VKORC1L1: variants seen among roughly 807,000 people sequenced by gnomAD.
VKORC1L1 encodes vitamin K epoxide reductase complex subunit 1L1.
VKORC1L1 carries 2 observed loss-of-function variants against 18.9 expected under a neutral mutation model. That is an observed-to-expected ratio of 0.11 (90% CI 0.04 to 0.33). The LOEUF is 0.33. VKORC1L1 is among the 10% of genes least tolerant of loss of function. The probability of loss-of-function intolerance (pLI) is 1.00; values close to 1 mark genes in which losing one functional copy is unlikely to be tolerated. For missense variants in VKORC1L1, 123 were observed against 224.1 expected, an observed-to-expected ratio of 0.55 and a Z score of 2.88; for synonymous variants, 96 against 100.0, an observed-to-expected ratio of 0.96 and a Z score of 0.24.
intron 1 of VKORC1L1, among the ~76,000 whole-genome samples, chr7:65,883,633 G>A (rs1788964840): frequency 1.3e-5 from 2 of 151,868 alleles, no homozygotes; most frequent in Non-Finnish European, 1.5e-5. Flanking sequence ...CCGAGTAGCT[G>A]GGATTACAGG....
At chr7:65,869,623 C>T (rs1158365860), upstream of VKORC1L1, among the ~76,000 whole-genome samples, 2 of 133,586 alleles carry the variant, frequency 1.5e-5, no homozygotes, top group Admixed American at 1.6e-4. Context: ...TAACAGAGGG[C>T]AAAACACGAT....
At chr7:65,907,351 C>T (rs1789423072) in intron 1 of VKORC1L1, among the ~76,000 whole-genome samples, 1 of 152,090 alleles carries the variant, frequency 6.6e-6, no homozygotes, top group Admixed American at 6.6e-5. Context: ...GCATGAGAAT[C>T]GCTTAGAACC....
At chr7:65,895,028 G>A (rs1305169523) in intron 1 of VKORC1L1, among the ~76,000 whole-genome samples, 1 of 152,214 alleles carries the variant, frequency 6.6e-6, no homozygotes. Flanking sequence ...TCTCACATTT[G>A]TAAGATGTCA....
At chr7:65,926,443 C>A (rs1223848612) in intron 1 of VKORC1L1, among the ~76,000 whole-genome samples, 2 of 152,162 alleles carry the variant, frequency 1.3e-5, no homozygotes, top group Non-Finnish European at 2.9e-5. Flanking sequence ...CATGAGCCAC[C>A]ACACTTAGCC....
chr7:65,947,222 C>T lies in VKORC1L1; in HGVS notation c.195-1449C>T, dbSNP rs977465876. On this transcript the variant is annotated intron_variant, in intron 1 of 2. Coordinates refer to ENST00000360768, the MANE Select transcript of VKORC1L1 (RefSeq NM_173517.6). ...CATGGCTTTCACTTGTTTGTAAAAT[C>T]GGGGTGATTTTTCTCTCCCAACATC... 3.9e-5 allele frequency among the ~76,000 whole-genome samples: 6 copies of T among 152,058 alleles called. 1 individual carries two copies. In the East Asian group the frequency reaches 7.7e-4, roughly 19 times the overall value.
upstream of VKORC1L1, among the ~76,000 whole-genome samples, chr7:65,871,582 T>C (rs1185183280): frequency 2.6e-5 from 4 of 152,262 alleles, no homozygotes; most frequent in Non-Finnish European, 4.4e-5. Flanking sequence ...AAAAGGACTG[T>C]GATCTCACTC....
chr7:65,899,394 A>G (rs1789271690), intron 1 of VKORC1L1, among the ~76,000 whole-genome samples: 1 of 152,184 alleles, frequency 6.6e-6, no homozygotes, highest in African/African-American at 2.4e-5. Flanking sequence ...CTGACCTGGA[A>G]AAAAGGGGGT....
intron 1 of VKORC1L1, among the ~76,000 whole-genome samples, chr7:65,942,242 CT>C (rs1343004690): frequency 6.6e-6 from 1 of 151,796 alleles, no homozygotes; most frequent in Non-Finnish European, 1.5e-5. Flanking sequence ...AATCCCAGCA[CT>C]TTGGGAGGCT....
intron 2 of VKORC1L1, among the ~76,000 whole-genome samples, chr7:65,949,356 G>A (rs1226852888): frequency 6.6e-6 from 1 of 152,058 alleles, no homozygotes; most frequent in Non-Finnish European, 1.5e-5. Flanking sequence ...GTGCATGCCT[G>A]TAATCCCAGC....
intron 1 of VKORC1L1, among the ~76,000 whole-genome samples, chr7:65,874,026 C>T (rs1234749303): frequency 2.0e-5 from 3 of 152,256 alleles, no homozygotes; most frequent in African/African-American, 4.8e-5. Context: ...GCAGCCGAGG[C>T]TTTGGGGCCG....
chr7:65,895,464 AAAAAAAAAAAAAAAAAATATAT>A (rs1172258510), intron 1 of VKORC1L1, among the ~76,000 whole-genome samples: 2 of 44,224 alleles, frequency 4.5e-5, no homozygotes, highest in Non-Finnish European at 8.0e-5. Flanking sequence ...AAAAAAAAAA[AAAAAAAAAAAAAAAAAATATAT>A]ATATATATAT....
chr7:65,949,447 C>T (rs1191143840), intron 2 of VKORC1L1, among the ~76,000 whole-genome samples: 1 of 151,868 alleles, frequency 6.6e-6, no homozygotes, highest in Non-Finnish European at 1.5e-5. Flanking sequence ...CCATTGCACT[C>T]CAGCCTGGGC....
At chr7:65,914,307 G>A (rs569208667) in intron 1 of VKORC1L1, among the ~76,000 whole-genome samples, 1 of 152,074 alleles carries the variant, frequency 6.6e-6, no homozygotes, top group African/African-American at 2.4e-5. Context: ...TCACTTTGTT[G>A]CCCAGGCTGG....
intron 1 of VKORC1L1, among the ~76,000 whole-genome samples, chr7:65,897,560 A>T (rs1432216098): frequency 6.6e-6 from 1 of 152,232 alleles, no homozygotes; most frequent in African/African-American, 2.4e-5. Context: ...ACTCACAATC[A>T]TAATGTTGGG....
chr7:65,947,545 TA>T (rs985325547), intron 1 of VKORC1L1, among the ~76,000 whole-genome samples: 4 of 151,958 alleles, frequency 2.6e-5, no homozygotes, highest in African/African-American at 4.8e-5. Context: ...GTTAACAATT[TA>T]AAAAAAATCA....
intron 1 of VKORC1L1, among the ~76,000 whole-genome samples, chr7:65,935,009 G>A (rs1044158155): frequency 2.1e-4 from 31 of 144,206 alleles, no homozygotes; most frequent in African/African-American, 7.5e-4. Flanking sequence ...AGTGGAGATC[G>A]CACCACTGCA....
chr7:65,885,101 A>C (rs185985879), intron 1 of VKORC1L1, among the ~76,000 whole-genome samples: 1 of 152,172 alleles, frequency 6.6e-6, no homozygotes, highest in Non-Finnish European at 1.5e-5. Context: ...GTTCTGAAAA[A>C]CATGACTTCT....
intron 1 of VKORC1L1, among the ~76,000 whole-genome samples, chr7:65,906,357 C>T (rs1472181649): frequency 1.3e-5 from 2 of 150,584 alleles, no homozygotes; most frequent in Admixed American, 6.6e-5. Context: ...GGTGACAGAG[C>T]AAGACATTGT....
At position 65,954,596 on chromosome 7, in the gene VKORC1L1, T is replaced by C; in HGVS notation, c.*296T>C. The C allele has an allele frequency of 2.3e-6, 1 of 441,926 alleles. No homozygotes were observed. The highest frequency in any genetic ancestry group is 3.9e-5 in the Admixed American group (1 of 25,642). The allele number at this position is 441,926 out of a possible 1,614,324, so 27.4% of individuals were successfully genotyped here. ...TGTAGCCCTAGCCCCCTGCCCTCAATTGTAAAGTGAGCAACCATTGCTAGT... is the reference window on the plus strand; with the variant it reads ...TGTAGCCCTAGCCCCCTGCCCTCAACTGTAAAGTGAGCAACCATTGCTAGT... On this transcript the variant is annotated 3_prime_UTR_variant, in exon 3 of 3. Transcript: ENST00000360768.
Sources: gnomAD v4.1 joint callset for allele counts (sites outside exome capture counted in the v4.1 genomes callset) on GRCh38, gnomAD v4.1.1 for gene constraint, MANE v1.5 for transcripts, NCBI Gene and HGNC (gene_info 2026-07-23, HGNC 2026-07-21) for gene names.